The following NEK1 variants were observed in gnomAD, a reference collection of about 807,000 sequenced individuals.
The protein encoded by NEK1 is serine/threonine-protein kinase Nek1.
In NEK1, 137 loss-of-function variants were observed where a neutral mutation model predicts 182.1. The observed-to-expected ratio is 0.75, with a 90% CI of 0.65 to 0.87. The LOEUF is 0.87. NEK1 is among the 40% of genes least tolerant of loss of function. The pLI is 0.00. For synonymous variants in NEK1, 513 were observed against 492.2 expected, an observed-to-expected ratio of 1.04 and a Z score of -0.56; for missense variants, 1,391 against 1,494.4, an observed-to-expected ratio of 0.93 and a Z score of 1.14.
chr4:169,508,827 A>G lies in NEK1; in HGVS notation c.1691T>C (p.Met564Thr), dbSNP rs1200795502. The change falls in exon 20 of 36, where the codon ATG becomes ACG. Residue 564 changes from methionine to threonine, a missense_variant. Met to Thr is a moderately conservative substitution (Grantham distance 81). Coordinates refer to ENST00000507142, the MANE Select transcript of NEK1 (RefSeq NM_001199397.3). ...TGAAGAGCTGGGCCTGCCTCCATAC[A>G]TAGCTGCCAGGTTTTGCAGGATTCC... ...HMGILQNLAA[M>T]YGGRPSSSRG... The G allele has an allele frequency of 6.3e-7, 1 of 1,592,404 alleles. No homozygotes were observed. Among genetic ancestry groups the G allele is most frequent in the East Asian group, 2.2e-5 (1 of 44,796 alleles).
At chr4:169,428,795 T>G (rs978692234) in intron 29 of NEK1, among the ~76,000 whole-genome samples, 1 of 152,200 alleles carries the variant, frequency 6.6e-6, no homozygotes, top group Non-Finnish European at 1.5e-5. Context: ...CCTTTCCTAT[T>G]ATTAGTTTGG....
chr4:169,513,870 T>C (rs899691196), intron 19 of NEK1, among the ~76,000 whole-genome samples: 1 of 152,214 alleles, frequency 6.6e-6, no homozygotes, highest in Non-Finnish European at 1.5e-5. Flanking sequence ...GTGAATCACA[T>C]TGATTTTTTA....
intron 2 of NEK1, among the ~76,000 whole-genome samples, chr4:169,606,866 G>A (rs988969485): frequency 6.6e-6 from 1 of 152,166 alleles, no homozygotes; most frequent in African/African-American, 2.4e-5. Flanking sequence ...TATAATCACC[G>A]AAAGGTGGAA....
At chr4:169,486,311 T>G (rs4254734) in intron 23 of NEK1, among the ~76,000 whole-genome samples, 3,801 of 152,260 alleles carry the variant, frequency 0.025, 139 homozygotes, top group African/African-American at 0.084. Context: ...AATTTTGCCA[T>G]GTGCTGAAAA....
At chr4:169,481,242 C>T (rs1451050472) in intron 23 of NEK1, among the ~76,000 whole-genome samples, 3 of 152,190 alleles carry the variant, frequency 2.0e-5, no homozygotes, top group Admixed American at 1.3e-4. Context: ...GAGTCAACTT[C>T]TTCCAAACTC....
intron 26 of NEK1, among the ~76,000 whole-genome samples, chr4:169,472,215 C>T (rs894432783): frequency 6.6e-6 from 1 of 152,134 alleles, no homozygotes; most frequent in African/African-American, 2.4e-5. Context: ...CTCGGTGTCT[C>T]CCCAAACGGC....
intron 7 of NEK1, among the ~76,000 whole-genome samples, chr4:169,588,980 A>C (rs1157639808): frequency 6.6e-6 from 1 of 152,210 alleles, no homozygotes; most frequent in Non-Finnish European, 1.5e-5. Context: ...TAGCATACAG[A>C]AATGTGCTAG....
intron 32 of NEK1, among the ~76,000 whole-genome samples, chr4:169,405,436 A>G (rs779079647): frequency 5.3e-5 from 8 of 152,216 alleles, no homozygotes; most frequent in Non-Finnish European, 1.2e-4. Context: ...ATACACTACT[A>G]TAGACTTATA....
chr4:169,421,127 G>T (rs555018944), intron 31 of NEK1, among the ~76,000 whole-genome samples: 3 of 152,154 alleles, frequency 2.0e-5, no homozygotes, highest in Non-Finnish European at 2.9e-5. Flanking sequence ...TCATTTCATG[G>T]TGACAAAGGG....
chr4:169,469,395 G>GC (rs1360896286), intron 26 of NEK1, among the ~76,000 whole-genome samples: 4 of 152,138 alleles, frequency 2.6e-5, no homozygotes, highest in Admixed American at 2.0e-4. Flanking sequence ...TCATTCAGGA[G>GC]CAGGTTGTTC....
chr4:169,589,404 G>A (rs144626151), intron 7 of NEK1, 43 bp downstream of exon 7: 283 of 1,102,408 alleles, frequency 2.6e-4, no homozygotes, highest in Middle Eastern at 7.9e-4. Flanking sequence ...TTGAAGGTTC[G>A]CTGAAAACAT....
At chr4:169,431,322 TA>T (rs1737390559) in intron 29 of NEK1, among the ~76,000 whole-genome samples, 1 of 152,154 alleles carries the variant, frequency 6.6e-6, no homozygotes, top group African/African-American at 2.4e-5. Context: ...CAACATTCAT[TA>T]GATAAAAATC....
intron 32 of NEK1, among the ~76,000 whole-genome samples, chr4:169,405,163 T>C (rs1434637582): frequency 1.3e-5 from 2 of 152,244 alleles, no homozygotes; most frequent in Admixed American, 6.5e-5. Flanking sequence ...GCCAATTTCA[T>C]TGTTGTGCTA....
chr4:169,457,745 A>G (rs1295527283), intron 27 of NEK1, among the ~76,000 whole-genome samples: 8 of 80,276 alleles, frequency 1.0e-4, no homozygotes, highest in African/African-American at 3.0e-4. Context: ...GAGAAAGGAG[A>G]GGAGGGGAGG....
chr4:169,603,949 C>T (rs1222389973), intron 2 of NEK1, among the ~76,000 whole-genome samples: 1 of 152,144 alleles, frequency 6.6e-6, no homozygotes, highest in African/African-American at 2.4e-5. Context: ...GATCTGCCCG[C>T]CTTGGCCTCC....
intron 16 of NEK1, among the ~76,000 whole-genome samples, chr4:169,556,901 G>C (rs1305123933): frequency 6.6e-6 from 1 of 152,110 alleles, no homozygotes; most frequent in Non-Finnish European, 1.5e-5. Context: ...GGTATGGAAG[G>C]TGGAAGAGGA....
At chr4:169,552,377 C>T (rs1032178537) in intron 18 of NEK1, among the ~76,000 whole-genome samples, 1 of 148,214 alleles carries the variant, frequency 6.7e-6, no homozygotes, top group Non-Finnish European at 1.5e-5. Context: ...AAAAAAAAAG[C>T]ATTTGACAAA....
intron 28 of NEK1, among the ~76,000 whole-genome samples, chr4:169,435,023 A>G (rs527911351): frequency 1.3e-5 from 2 of 152,026 alleles, no homozygotes; most frequent in African/African-American, 4.8e-5. Flanking sequence ...GCCTAACACT[A>G]TTTTCTTTTC....
At chr4:169,589,580 T>C in intron 6 of NEK1, 66 bp from the exon 7 acceptor site, 1 of 1,012,864 alleles carries the variant, frequency 9.9e-7, no homozygotes, top group South Asian at 1.6e-5. Flanking sequence ...AGTCAACATT[T>C]TTCATAAAAT....
Sources: allele counts gnomAD v4.1 joint callset (sites outside exome capture counted in the v4.1 genomes callset), GRCh38; gene constraint gnomAD v4.1.1; transcripts MANE v1.5; gene names NCBI Gene and HGNC (gene_info 2026-07-23, HGNC 2026-07-21).